Variants in AGBL1 observed in about 807,000 individuals in gnomAD.
The protein encoded by AGBL1 is cytosolic carboxypeptidase 4.
Under a neutral mutation model 118.9 loss-of-function variants are expected in AGBL1, and 130 were observed. The ratio of observed to expected loss-of-function variants is 1.09; its 90% confidence interval spans 0.95 to 1.26. The LOEUF is 1.26. Among genes scored for constraint, AGBL1 ranks in the 50% most tolerant of loss-of-function variants. The pLI is 0.00. For missense variants in AGBL1, 1,584 were observed against 1,298.1 expected, an observed-to-expected ratio of 1.22 and a Z score of -3.38; for synonymous variants, 555 against 478.9, an observed-to-expected ratio of 1.16 and a Z score of -2.08.
At chr15:86,151,552 A>G (rs1278868260) in intron 3 of AGBL1, among the ~76,000 whole-genome samples, 2 of 152,214 alleles carry the variant, frequency 1.3e-5, no homozygotes, top group African/African-American at 2.4e-5. Flanking sequence ...ATTTATGACA[A>G]ACCCACAGCC....
chr15:86,231,986 T>C (rs1161560638), intron 6 of AGBL1, among the ~76,000 whole-genome samples: 1 of 152,136 alleles, frequency 6.6e-6, no homozygotes, highest in Non-Finnish European at 1.5e-5. Context: ...CACACCACCA[T>C]GGCTGTGTAA....
At chr15:86,276,301 A>C (rs1034637484) in intron 15 of AGBL1, among the ~76,000 whole-genome samples, 1 of 152,222 alleles carries the variant, frequency 6.6e-6, no homozygotes, top group African/African-American at 2.4e-5. Flanking sequence ...GATATAATAA[A>C]AAAATTTTAG....
intron 5 of AGBL1, among the ~76,000 whole-genome samples, chr15:86,203,302 T>C (rs887574719): frequency 3.9e-5 from 6 of 152,220 alleles, no homozygotes; most frequent in Non-Finnish European, 8.8e-5. Flanking sequence ...TAAAATGTTA[T>C]GCTTACGTTT....
chr15:86,535,334 G>T (rs558339343), intron 19 of AGBL1, among the ~76,000 whole-genome samples: 1 of 152,336 alleles, frequency 6.6e-6, no homozygotes, highest in East Asian at 1.9e-4. Flanking sequence ...GAGGCTCATG[G>T]CCAAGGAGGC....
intron 22 of AGBL1, among the ~76,000 whole-genome samples, chr15:86,851,412 G>A (rs7171981): frequency 0.48 from 73,032 of 151,830 alleles, 17,689 homozygotes; most frequent in South Asian, 0.55. Context: ...AGGACAGAAA[G>A]GTCCATCACC....
intron 24 of AGBL1, among the ~76,000 whole-genome samples, chr15:86,991,440 A>ATATTTATTTATT (rs543981363): frequency 6.6e-5 from 10 of 151,456 alleles, no homozygotes; most frequent in African/African-American, 2.4e-4. Flanking sequence ...TTTCAGATTT[A>ATATTTATTTATT]TATTTATTTA....
chr15:86,180,723 A>T (rs1242167165), intron 5 of AGBL1, among the ~76,000 whole-genome samples: 1 of 152,144 alleles, frequency 6.6e-6, no homozygotes, highest in Non-Finnish European at 1.5e-5. Context: ...TTATTAAAAG[A>T]ATGAAGACAC....
chr15:86,080,936 G>C (rs1254226205), intron 1 of AGBL1, among the ~76,000 whole-genome samples: 2 of 149,456 alleles, frequency 1.3e-5, no homozygotes, highest in Non-Finnish European at 3.0e-5. Context: ...GGCTTGTGGG[G>C]GCGGGGGGGG....
intron 22 of AGBL1, among the ~76,000 whole-genome samples, chr15:86,778,859 G>T (rs554057256): frequency 6.6e-6 from 1 of 152,192 alleles, no homozygotes; most frequent in South Asian, 2.1e-4. Context: ...ATTGATTGGC[G>T]AAGTGATAAG....
At chr15:86,323,004 G>A (rs888796685) in intron 17 of AGBL1, among the ~76,000 whole-genome samples, 1 of 152,000 alleles carries the variant, frequency 6.6e-6, no homozygotes, top group Admixed American at 6.6e-5. Context: ...CTATTTCCTG[G>A]GATCTGTGGA....
intron 22 of AGBL1, among the ~76,000 whole-genome samples, chr15:86,776,119 C>T (rs1053047052): frequency 4.6e-5 from 7 of 152,114 alleles, no homozygotes; most frequent in East Asian, 1.9e-4. Context: ...CAACATGTTG[C>T]GCTTGAGATT....
intron 22 of AGBL1, among the ~76,000 whole-genome samples, chr15:86,725,801 C>T (rs944441554): frequency 3.3e-5 from 5 of 152,144 alleles, no homozygotes; most frequent in Non-Finnish European, 5.9e-5. Context: ...CTGGATGAAT[C>T]AACCCTAAGT....
chr15:86,820,064 G>C (rs2078918035), intron 22 of AGBL1, among the ~76,000 whole-genome samples: 1 of 152,132 alleles, frequency 6.6e-6, no homozygotes, highest in South Asian at 2.1e-4. Context: ...TTTAATAAAT[G>C]GTGTTGGGAA....
chr15:86,550,723 T>G (rs1172819475), intron 20 of AGBL1, among the ~76,000 whole-genome samples: 1 of 152,026 alleles, frequency 6.6e-6, no homozygotes, highest in Non-Finnish European at 1.5e-5. Context: ...AAAATTAGTA[T>G]GGAGAACACC....
At chr15:86,752,580 C>T (rs1439879985) in intron 22 of AGBL1, among the ~76,000 whole-genome samples, 1 of 152,052 alleles carries the variant, frequency 6.6e-6, no homozygotes, top group East Asian at 1.9e-4. Context: ...AGGAACTCAG[C>T]CCTGTTTCTG....
chr15:86,177,173 C>T (rs2077492783), intron 5 of AGBL1, among the ~76,000 whole-genome samples: 1 of 152,194 alleles, frequency 6.6e-6, no homozygotes, highest in African/African-American at 2.4e-5. Context: ...AATAAAGTAG[C>T]TTTCAGAGCA....
At chr15:86,371,657 G>T (rs1382306540) in intron 17 of AGBL1, among the ~76,000 whole-genome samples, 1 of 152,034 alleles carries the variant, frequency 6.6e-6, no homozygotes, top group African/African-American at 2.4e-5. Flanking sequence ...GAGGTTTTGG[G>T]GTCAAGACCA....
intron 17 of AGBL1, among the ~76,000 whole-genome samples, chr15:86,388,143 G>A (rs942783229): frequency 6.6e-6 from 1 of 152,150 alleles, no homozygotes; most frequent in Non-Finnish European, 1.5e-5. Flanking sequence ...GACAAACCCT[G>A]CTCATCTGGG....
intron 21 of AGBL1, among the ~76,000 whole-genome samples, chr15:86,671,354 C>A (rs1177116901): frequency 6.6e-6 from 1 of 152,154 alleles, no homozygotes; most frequent in Non-Finnish European, 1.5e-5. Context: ...GAACCTTCTA[C>A]CTTTTCCTCA....
Sources: allele counts gnomAD v4.1 joint callset (sites outside exome capture counted in the v4.1 genomes callset), GRCh38; gene constraint gnomAD v4.1.1; transcripts MANE v1.5; gene names NCBI Gene and HGNC (gene_info 2026-07-23, HGNC 2026-07-21).